The following H1-3 variants were observed in gnomAD, a reference collection of about 807,000 sequenced individuals.
The protein encoded by H1-3 is H1.3 linker histone, cluster member.
H1-3 carries 4 observed loss-of-function variants against 3.6 expected under a neutral mutation model. That is an observed-to-expected ratio of 1.12 (90% confidence interval 0.55 to 2.57). The LOEUF (loss-of-function observed/expected upper bound fraction) is 2.57, where lower values mean the gene tolerates loss of function less well. Ranked by LOEUF, H1-3 falls within the 30% of genes most tolerant of loss-of-function variation. The pLI, the probability that H1-3 is intolerant of heterozygous loss-of-function variation, is 0.02. For missense variants in H1-3, 670 were observed against 274.3 expected, an observed-to-expected ratio of 2.44 and a Z score of -10.19; for synonymous variants, 266 against 110.0, an observed-to-expected ratio of 2.42 and a Z score of -8.87.
chr6:26,234,587 T>TC lies in H1-3; in HGVS notation c.346dup (p.Glu116GlyfsTer15), dbSNP rs1223385270. On this transcript the variant is annotated frameshift_variant, in exon 1 of 1. Coordinates refer to ENST00000244534, the MANE Select transcript of H1-3 (RefSeq NM_005320.3). LOFTEE classifies it high-confidence loss of function. ...AGCCTTTTTGGCCTTGGGTTTGCCT[T>TC]CCCCGGAAGCCGCTTTCTTGTTGAG... The TC allele has an allele frequency of 1.2e-6, 2 of 1,613,876 alleles. No individual in the cohort carries two copies. The highest frequency in any genetic ancestry group is 1.7e-6 in the Non-Finnish European group (2 of 1,180,016).
Position 26,234,558 on chromosome 6 carries a change from C to G in H1-3, c.376G>C (p.Ala126Pro), listed in dbSNP as rs200289213. 2 of 1,612,666 alleles carry G rather than the reference C, an allele frequency of 1.2e-6. No homozygotes were observed. Among genetic ancestry groups the G allele is most frequent in the Non-Finnish European group, 1.7e-6 (2 of 1,179,744 alleles). ...CCAGCAGGCTTCCTAGGCTTGGCTG[C>G]GCCAGCCTTTTTGGCCTTGGGTTTG... ...EGKPKAKKAG[A>P]AKPRKPAGAA... The change falls in exon 1 of 1, where the codon GCA becomes CCA. Residue 126 changes from alanine (A) to proline (P), a missense_variant. Physicochemically the swap from Ala to Pro is conservative, Grantham distance 27. Coordinates refer to ENST00000244534, the MANE Select transcript of H1-3 (RefSeq NM_005320.3).
At position 26,234,987 on chromosome 6, in the gene H1-3, T is replaced by A; in HGVS notation, c.-54A>T. The A allele has an allele frequency of 6.7e-7, 1 of 1,498,430 alleles. No individual in the cohort carries two copies. Among genetic ancestry groups the A allele is most frequent in the Non-Finnish European group, 9.0e-7 (1 of 1,111,046 alleles). 92.8% of individuals were successfully genotyped at this position (1,498,430 alleles called of 1,614,324 possible). On this transcript the variant is annotated 5_prime_UTR_variant, in exon 1 of 1. The change abolishes an upstream ATG in the 5' untranslated region. Transcript: ENST00000244534. ...GTAATCTCAAACTGTCAGAACAGCA[T>A]GTCCTCTACGAGGGAGGCTGAGGGT...
rs563408211 is a variant in H1-3 at position 26,234,356 on chromosome 6, G to A, written c.578C>T (p.Ala193Val). ...PKKAAKSPAK[A>V]KAPKPKAAKP... is the part of the protein sequence containing the mutation. ...GGCCGCCTTGGGCTTAGGGGCTTTG[G>A]CCTTAGCTGGACTCTTGGCAGCTTT... The change falls in exon 1 of 1, where the codon GCC becomes GTC. Residue 193 changes from alanine (A) to valine (V), a missense_variant. By Grantham distance (64) the Ala-to-Val change is moderately conservative. Coordinates refer to ENST00000244534, the MANE Select transcript of H1-3 (RefSeq NM_005320.3). 8.1e-6 allele frequency: 13 copies of A among 1,614,228 alleles called. No individual in the cohort carries two copies. The highest frequency in any genetic ancestry group is 3.3e-5 in the Admixed American group (2 of 60,034).
In H1-3 at chr6:26,234,324, T is replaced by C. The variant is rs1285803305; in HGVS notation, c.610A>G (p.Lys204Glu). The change falls in exon 1 of 1, where the codon AAG (lysine) becomes GAG (glutamate). Residue 204 changes from lysine to glutamate, a missense_variant. Physicochemically the swap from Lys to Glu is moderately conservative, Grantham distance 56. Coordinates refer to ENST00000244534, the MANE Select transcript of H1-3 (RefSeq NM_005320.3). ...TTTGTAACCTTCGGCTTCCCCGACT[T>C]AGGCTTGGCCGCCTTGGGCTTAGGG... ...KAPKPKAAKP[K>E]SGKPKVTKAK... is the part of the protein sequence containing the mutation. The C allele has an allele frequency of 1.9e-6, 3 of 1,612,940 alleles. No individual in the cohort carries two copies. The highest frequency in any genetic ancestry group is 2.5e-6 in the Non-Finnish European group (3 of 1,179,684).
In H1-3 at chr6:26,234,730, C is replaced by T; in HGVS notation, c.204G>A (p.Ala68=). 2 of 1,613,714 alleles carry T rather than the reference C, an allele frequency of 1.2e-6. No individual in the cohort carries two copies. The highest frequency in any genetic ancestry group is 1.7e-6 in the Non-Finnish European group (2 of 1,179,924). ...TTTTTTCTACATCGTAGCCAGCAGC[C>T]GCAAGCGCTTTCTTAAGCGCGGCCA... The part of the protein sequence containing the change: ...VSLAALKKAL[A]AAGYDVEKNN... Residue 68 remains alanine, a synonymous_variant, in exon 1 of 1, where the codon GCG becomes GCA. Coordinates refer to ENST00000244534, the MANE Select transcript of H1-3 (RefSeq NM_005320.3).
rs199968673 is a variant in H1-3, at chr6:26,234,917, G to A, written c.17C>T (p.Pro6Leu). The change falls in exon 1 of 1, where the codon CCA becomes CTA. Residue 6 changes from proline (P) to leucine (L), a missense_variant. Transcript: ENST00000244534. The part of the protein sequence containing the change: MSETA[P>L]LAPTIPAPAE... ...GGGTGCAGGAATGGTAGGAGCAAGT[G>A]GAGCAGTCTCCGACATGTTTTTGTC... 3.1e-6 allele frequency: 5 copies of A among 1,606,990 alleles called. No individual in the cohort carries two copies. Among genetic ancestry groups the A allele is most frequent in the East Asian group, 2.2e-5 (1 of 44,844 alleles).
rs760795695 is a variant in H1-3 at position 26,234,959 on chromosome 6, T to G, written c.-26A>C. 1.9e-6 allele frequency: 3 copies of G among 1,570,874 alleles called. No homozygotes were observed. Among genetic ancestry groups the G allele is most frequent in the Non-Finnish European group, 2.6e-6 (3 of 1,161,076 alleles). On this transcript the variant is annotated 5_prime_UTR_variant, in exon 1 of 1. Coordinates refer to ENST00000244534, the MANE Select transcript of H1-3 (RefSeq NM_005320.3). The stretch of plus-strand genomic sequence containing the variant: ...GTTTTTGTCTTCCCAGAAAAGACAA[T>G]AAGTAATCTCAAACTGTCAGAACAG...
rs200289213 is a variant in H1-3, at chr6:26,234,558, C to T, written c.376G>A (p.Ala126Thr). The stretch of plus-strand genomic sequence containing the variant: ...CCAGCAGGCTTCCTAGGCTTGGCTG[C>T]GCCAGCCTTTTTGGCCTTGGGTTTG... Reference protein sequence around the residue: ...EGKPKAKKAGAAKPRKPAGAA... With the variant: ...EGKPKAKKAGTAKPRKPAGAA... The change falls in exon 1 of 1, where the codon GCA (alanine) becomes ACA (threonine). Residue 126 changes from alanine to threonine, a missense_variant. Transcript: ENST00000244534. The T allele has an allele frequency of 3.7e-6, 6 of 1,612,784 alleles. No homozygotes were observed. In the African/African-American group the frequency reaches 4.0e-5, roughly 11 times the overall value.
At position 26,234,781 on chromosome 6, in the gene H1-3, A is replaced by G. The variant is rs749405977; in HGVS notation, c.153T>C (p.Ala51=). ...VSELITKAVA[A]SKERSGVSLA... is the part of the protein sequence containing the mutation. ...GAGAAACGCCGCTGCGCTCCTTAGA[A>G]GCTGCCACTGCCTTGGTGATAAGCT... The change falls in exon 1 of 1, where the codon GCT becomes GCC. Residue 51 remains alanine, a synonymous_variant. Coordinates refer to ENST00000244534, the MANE Select transcript of H1-3 (RefSeq NM_005320.3). 5.0e-6 allele frequency: 8 copies of G among 1,614,096 alleles called. No individual in the cohort carries two copies. In the African/African-American group the frequency reaches 1.1e-4, roughly 22 times the overall value.
chr6:26,234,423 C>G lies in H1-3; in HGVS notation c.511G>C (p.Val171Leu), dbSNP rs757853040. 2 of 1,614,212 alleles carry G rather than the reference C, an allele frequency of 1.2e-6. No homozygotes were observed. Among genetic ancestry groups the G allele is most frequent in the Non-Finnish European group, 1.7e-6 (2 of 1,180,038 alleles). ...KPATAAGTKK[V>L]AKSAKKVKTP... ...TTCACCTTTTTCGCACTCTTGGCCA[C>G]TTTCTTGGTCCCAGCAGCGGTTGCT... Residue 171 changes from valine (V) to leucine (L), a missense_variant, in exon 1 of 1, where the codon GTG becomes CTG. Transcript: ENST00000244534.
In H1-3 at chr6:26,234,877, A is replaced by G. The variant is rs866323036; in HGVS notation, c.57T>C (p.Pro19=). ...CTGCCTTCTTCGCCTTTTTCTTCAC[A>G]GGTGTTTTTTCTGCGGGTGCAGGAA... ...PTIPAPAEKT[P]VKKKAKKAGA... Residue 19 remains proline, a synonymous_variant, in exon 1 of 1, where the codon CCT becomes CCC. Coordinates refer to ENST00000244534, the MANE Select transcript of H1-3 (RefSeq NM_005320.3). 4 of 1,613,096 alleles carry G rather than the reference A, an allele frequency of 2.5e-6. No homozygotes were observed. Among genetic ancestry groups the G allele is most frequent in the Admixed American group, 3.3e-5 (2 of 59,702 alleles).
Position 26,234,706 on chromosome 6 carries a change from T to G in H1-3, c.228A>C (p.Lys76Asn), listed in dbSNP as rs905354305. 8.1e-6 allele frequency: 13 copies of G among 1,613,600 alleles called. 1 individual carries two copies. The highest frequency in any genetic ancestry group is 6.7e-5 in the East Asian group (3 of 44,900). Residue 76 changes from lysine (K) to asparagine (N), a missense_variant, in exon 1 of 1, where the codon AAA (lysine) becomes AAC (asparagine). Physicochemically the swap from Lys to Asn is moderately conservative, Grantham distance 94. Coordinates refer to ENST00000244534, the MANE Select transcript of H1-3 (RefSeq NM_005320.3). ...GGCCAAGCTTGATACGGCTGTTGTT[T>G]TTTTCTACATCGTAGCCAGCAGCCG... ...ALAAAGYDVE[K>N]NNSRIKLGLK...
rs1759732815 is a variant in H1-3, at chr6:26,234,402, C to G, written c.532G>C (p.Val178Leu). Residue 178 changes from valine (V) to leucine (L), a missense_variant, in exon 1 of 1, where the codon GTG becomes CTG. Val to Leu is a conservative substitution (Grantham distance 32). Transcript: ENST00000244534. Reference protein sequence around the residue: ...TKKVAKSAKKVKTPQPKKAAK... With the variant: ...TKKVAKSAKKLKTPQPKKAAK... ...GCTTTTTTTGGCTGAGGTGTTTTCA[C>G]CTTTTTCGCACTCTTGGCCACTTTC... 8 of 1,614,216 alleles carry G rather than the reference C, an allele frequency of 5.0e-6. No individual in the cohort carries two copies. The highest frequency in any genetic ancestry group is 4.0e-5 in the African/African-American group (3 of 75,054).
rs763000728 is a variant in H1-3, at chr6:26,234,519, GCTT to G, written c.412_414del (p.Lys138del). ...GTAGCGGCGCCAGCCACCTTCTTGG[GCTT>G]CTTGGCTGCCCCAGCAGGCTTCCTA... On this transcript the variant is annotated inframe_deletion, in exon 1 of 1. Coordinates refer to ENST00000244534, the MANE Select transcript of H1-3 (RefSeq NM_005320.3). The G allele has an allele frequency of 1.9e-6, 3 of 1,613,674 alleles. No homozygotes were observed. The Admixed American group carries it at 5.0e-5, about 27-fold the overall frequency.
Position 26,234,963 on chromosome 6 carries a change from T to C in H1-3, c.-30A>G, listed in dbSNP as rs1759764995. On this transcript the variant is annotated 5_prime_UTR_variant, in exon 1 of 1. Transcript: ENST00000244534. ...TTGTCTTCCCAGAAAAGACAATAAG[T>C]AATCTCAAACTGTCAGAACAGCATG... The C allele has an allele frequency of 8.9e-6, 14 of 1,565,442 alleles. No individual in the cohort carries two copies. Among genetic ancestry groups the C allele is most frequent in the Middle Eastern group, 1.8e-4 (1 of 5,594 alleles).
rs760358653 is a variant in H1-3, at chr6:26,234,710, T to G, written c.224A>C (p.Glu75Ala). Residue 75 changes from glutamate to alanine, a missense_variant, in exon 1 of 1, where the codon GAA becomes GCA. Physicochemically the swap from Glu to Ala is moderately radical, Grantham distance 107. Transcript: ENST00000244534. ...AAGCTTGATACGGCTGTTGTTTTTT[T>G]CTACATCGTAGCCAGCAGCCGCAAG... Reference protein sequence around the residue: ...KALAAAGYDVEKNNSRIKLGL... With the variant: ...KALAAAGYDVAKNNSRIKLGL... 6.2e-7 allele frequency: 1 copy of G among 1,613,824 alleles called. No individual in the cohort carries two copies. The highest frequency in any genetic ancestry group is 1.7e-5 in the Admixed American group (1 of 59,922).
rs1759735962 is a variant in H1-3, at chr6:26,234,464, T to C, written c.470A>G (p.Lys157Arg). The C allele has an allele frequency of 6.2e-7, 1 of 1,614,104 alleles. No homozygotes were observed. Among genetic ancestry groups the C allele is most frequent in the East Asian group, 2.2e-5 (1 of 44,886 alleles). ...TPKKSIKKTP[K>R]KVKKPATAAG... The stretch of plus-strand genomic sequence containing the variant: ...AGCGGTTGCTGGCTTCTTTACCTTC[T>C]TAGGAGTCTTTTTGATGCTTTTCTT... Residue 157 changes from lysine (K) to arginine (R), a missense_variant, in exon 1 of 1, where the codon AAG (lysine) becomes AGG (arginine). Transcript: ENST00000244534.
At position 26,234,228 on chromosome 6, in the gene H1-3, G is replaced by A. The variant is rs760333620; in HGVS notation, c.*40C>T. On this transcript the variant is annotated 3_prime_UTR_variant, in exon 1 of 1. Transcript: ENST00000244534. Reference sequence around the variant, plus strand: ...TGAGACCTGTGGGTGGCTCTGAAAAGAGCCGTTTAAAATTTTCAAAGGGGA... The same window carrying A: ...TGAGACCTGTGGGTGGCTCTGAAAAAAGCCGTTTAAAATTTTCAAAGGGGA... 3 of 1,556,570 alleles carry A rather than the reference G, an allele frequency of 1.9e-6. No homozygotes were observed. The highest frequency in any genetic ancestry group is 2.6e-6 in the Non-Finnish European group (3 of 1,156,382).
rs969768818 is a variant in H1-3 at position 26,234,487 on chromosome 6, C to T, written c.447G>A (p.Lys149=). The T allele has an allele frequency of 2.6e-5, 42 of 1,613,922 alleles. No individual in the cohort carries two copies. Among genetic ancestry groups the T allele is most frequent in the East Asian group, 4.5e-5 (2 of 44,896 alleles). ...TCTTAGGAGTCTTTTTGATGCTTTT[C>T]TTCGGGGTAGCGGCGCCAGCCACCT... The part of the protein sequence containing the change: ...PKKVAGAATP[K]KSIKKTPKKV... The change falls in exon 1 of 1, where the codon AAG becomes AAA. Residue 149 remains lysine, a synonymous_variant. Transcript: ENST00000244534.
Sources: allele counts gnomAD v4.1 joint callset, GRCh38; gene constraint gnomAD v4.1.1; transcripts MANE v1.5; gene names NCBI Gene and HGNC (gene_info 2026-07-23, HGNC 2026-07-21).